The following CHST11 variants were observed in gnomAD, a reference collection of about 807,000 sequenced individuals.
CHST11 encodes carbohydrate sulfotransferase 11, also known as C4S-1.
Under a neutral mutation model 30.4 loss-of-function variants are expected in CHST11, and 9 were observed. The ratio of observed to expected loss-of-function variants is 0.30; its 90% CI spans 0.18 to 0.52. The LOEUF (loss-of-function observed/expected upper bound fraction) is 0.52. CHST11 is among the 20% of genes least tolerant of loss of function. The pLI is 0.97. For synonymous variants in CHST11, 152 were observed against 187.8 expected (o/e 0.81, Z 1.56); for missense variants, 348 against 460.6 (o/e 0.76, Z 2.24).
At chr12:104,572,400 T>C (rs577245662) in intron 1 of CHST11, among the ~76,000 whole-genome samples, 1 of 152,250 alleles carries the variant, frequency 6.6e-6, no homozygotes, top group East Asian at 1.9e-4. Context: ...GAGCCTGTTA[T>C]TGGTCTATTC....
intron 2 of CHST11, among the ~76,000 whole-genome samples, chr12:104,613,592 T>G (rs186124871): frequency 6.6e-6 from 1 of 152,330 alleles, no homozygotes; most frequent in East Asian, 1.9e-4. Context: ...CTCTTCCTCC[T>G]GCTCTGGCCA....
chr12:104,659,247 C>G (rs2039574412), intron 2 of CHST11, among the ~76,000 whole-genome samples: 2 of 152,224 alleles, frequency 1.3e-5, no homozygotes, highest in Non-Finnish European at 2.9e-5. Context: ...GTGATGTAGC[C>G]TCTCTGTGCC....
At chr12:104,715,494 G>A (rs1206120664) in intron 2 of CHST11, among the ~76,000 whole-genome samples, 1 of 152,190 alleles carries the variant, frequency 6.6e-6, no homozygotes, top group Non-Finnish European at 1.5e-5. Flanking sequence ...CGGCTGCCAA[G>A]CTAAACACTT....
chr12:104,568,484 A>G (rs1293000895), intron 1 of CHST11, among the ~76,000 whole-genome samples: 1 of 152,166 alleles, frequency 6.6e-6, no homozygotes, highest in Non-Finnish European at 1.5e-5. Flanking sequence ...TAGGTCAGCA[A>G]CTTCCAACAG....
At chr12:104,632,678 T>G (rs2039282425) in intron 2 of CHST11, among the ~76,000 whole-genome samples, 1 of 152,184 alleles carries the variant, frequency 6.6e-6, no homozygotes, top group Non-Finnish European at 1.5e-5. Context: ...TCTGCTGAGG[T>G]GAAATTAAGT....
At chr12:104,474,008 G>A (rs1565954235) in intron 1 of CHST11, among the ~76,000 whole-genome samples, 7 of 151,988 alleles carry the variant, frequency 4.6e-5, no homozygotes. Flanking sequence ...CTAATATAAT[G>A]TAATCACAGA....
At position 104,676,893 on chromosome 12, in the gene CHST11, C is replaced by T. The variant is rs1174554456; in HGVS notation, c.204+74902C>T. 1.3e-5 allele frequency among the ~76,000 whole-genome samples: 2 copies of T among 152,216 alleles called. No homozygotes were observed. The highest frequency in any genetic ancestry group is 2.9e-5 in the Non-Finnish European group (2 of 68,030). Reference sequence around the variant, plus strand: ...TCTGCCTAGCACAGATGGCCATTCTCATCGTGCCAGGGTGCTGGCACATTC... The same window carrying T: ...TCTGCCTAGCACAGATGGCCATTCTTATCGTGCCAGGGTGCTGGCACATTC... On this transcript the variant is annotated intron_variant, in intron 2 of 2. Transcript: ENST00000303694. The surrounding 1 kb of genome is among the most constrained non-coding windows in gnomAD (Gnocchi z 4.4).
chr12:104,740,273 A>G (rs1159178931), intron 2 of CHST11, among the ~76,000 whole-genome samples: 1 of 152,154 alleles, frequency 6.6e-6, no homozygotes, highest in Non-Finnish European at 1.5e-5. Flanking sequence ...ATTTCCATTG[A>G]TCATAAATCT....
At chr12:104,524,039 C>CTTTTTT (rs10594720) in intron 1 of CHST11, among the ~76,000 whole-genome samples, 2 of 128,046 alleles carry the variant, frequency 1.6e-5, no homozygotes, top group African/African-American at 5.8e-5. Context: ...TTCTTTCTTT[C>CTTTTTT]TTTTTTTTTT....
At chr12:104,517,962 C>A (rs898743907) in intron 1 of CHST11, among the ~76,000 whole-genome samples, 1 of 152,134 alleles carries the variant, frequency 6.6e-6, no homozygotes, top group South Asian at 2.1e-4. Context: ...GATCTAAGGT[C>A]GCTTTGGCAG....
At chr12:104,558,516 A>G (rs956768391) in intron 1 of CHST11, among the ~76,000 whole-genome samples, 3 of 142,048 alleles carry the variant, frequency 2.1e-5, no homozygotes, top group Admixed American at 7.0e-5. Flanking sequence ...GACTATTGTC[A>G]TTCTCTCTGT....
rs919184488 is a variant in CHST11 at position 104,457,296 on chromosome 12, G to A, written c.-116G>A. 7 of 674,412 alleles carry A rather than the reference G, an allele frequency of 1.0e-5. No homozygotes were observed. The highest frequency in any genetic ancestry group is 1.7e-5 in the South Asian group (1 of 57,834). 41.8% of individuals were successfully genotyped at this position (674,412 alleles called of 1,614,324 possible). On this transcript the variant is annotated 5_prime_UTR_variant, in exon 1 of 3. Coordinates refer to ENST00000303694, the MANE Select transcript of CHST11 (RefSeq NM_018413.6). ...GAAGCGACTCCGATCCTCCCTCTGA[G>A]CCTTGCTCAGCTCTGCCCCGCGCCT...
At chr12:104,519,747 C>T (rs144156486) in intron 1 of CHST11, among the ~76,000 whole-genome samples, 4 of 152,260 alleles carry the variant, frequency 2.6e-5, no homozygotes, top group African/African-American at 7.2e-5. Context: ...TTGCTTGGCT[C>T]AGATTGATAT....
At chr12:104,652,772 G>A (rs558262924) in intron 2 of CHST11, among the ~76,000 whole-genome samples, 9 of 152,276 alleles carry the variant, frequency 5.9e-5, no homozygotes, top group South Asian at 4.1e-4. Flanking sequence ...TGTTGGTTTC[G>A]ATCCTGACCT....
intron 2 of CHST11, among the ~76,000 whole-genome samples, chr12:104,708,319 C>G (rs986155853): frequency 3.9e-5 from 6 of 152,202 alleles, no homozygotes; most frequent in African/African-American, 1.4e-4. Context: ...GACAGTCATG[C>G]CTCCTTCCCG....
At chr12:104,666,155 G>A (rs2039641644) in intron 2 of CHST11, among the ~76,000 whole-genome samples, 1 of 151,988 alleles carries the variant, frequency 6.6e-6, no homozygotes, top group South Asian at 2.1e-4. Context: ...ATCATGTATA[G>A]AATTAAGATT....
chr12:104,616,829 C>G (rs1466070411), intron 2 of CHST11, among the ~76,000 whole-genome samples: 3 of 152,146 alleles, frequency 2.0e-5, no homozygotes, highest in African/African-American at 7.2e-5. Flanking sequence ...CTTCTTAGAG[C>G]CTGGGAGGCC....
intron 1 of CHST11, among the ~76,000 whole-genome samples, chr12:104,471,238 C>T (rs542945293): frequency 6.6e-6 from 1 of 152,290 alleles, no homozygotes; most frequent in Non-Finnish European, 1.5e-5. Context: ...GGGGCCATGT[C>T]TTGTTTAGCA....
At chr12:104,609,112 G>A (rs1021031709) in intron 2 of CHST11, among the ~76,000 whole-genome samples, 3 of 152,214 alleles carry the variant, frequency 2.0e-5, no homozygotes, top group Non-Finnish European at 2.9e-5. Flanking sequence ...CACATATGCT[G>A]GGGAAGGCAT....
Sources: gnomAD v4.1 joint callset for allele counts (sites outside exome capture counted in the v4.1 genomes callset) on GRCh38, gnomAD v4.1.1 for gene constraint, Gnocchi (gnomAD v3.1) non-coding constraint, MANE v1.5 for transcripts, NCBI Gene and HGNC (gene_info 2026-07-23, HGNC 2026-07-21) for gene names.